The following TASP1 variants were observed in gnomAD, a reference collection of about 807,000 sequenced individuals.
The protein encoded by TASP1 is threonine aspartase 1.
In TASP1, 16 loss-of-function variants were observed where a neutral mutation model predicts 56.6. That is an observed-to-expected ratio of 0.28 (90% CI 0.19 to 0.43). The LOEUF is 0.43. Among genes scored for constraint, TASP1 ranks in the 20% least tolerant of loss-of-function variants. The pLI is 1.00. For synonymous variants in TASP1, 179 were observed against 184.2 expected, an observed-to-expected ratio of 0.97 and a Z score of 0.23; for missense variants, 393 against 511.6, an observed-to-expected ratio of 0.77 and a Z score of 2.24.
At chr20:13,578,127 A>G (rs1601318918) in intron 6 of TASP1, among the ~76,000 whole-genome samples, 1 of 151,372 alleles carries the variant, frequency 6.6e-6, no homozygotes, top group Non-Finnish European at 1.5e-5. Context: ...AGAAGAATCT[A>G]TTTTTCTGCA....
At chr20:13,322,922 T>C in the TASP1 span, among the ~76,000 whole-genome samples, 1 of 152,130 alleles carries the variant, frequency 6.6e-6, no homozygotes. Flanking sequence ...CTCTTAACAT[T>C]CCATTTAGAA....
At chr20:13,345,779 C>T in the TASP1 span, among the ~76,000 whole-genome samples, 1 of 152,066 alleles carries the variant, frequency 6.6e-6, no homozygotes, top group South Asian at 2.1e-4. Flanking sequence ...ACTGGGTTTT[C>T]CTAACTCAGC....
At chr20:13,266,127 C>T in the TASP1 span, among the ~76,000 whole-genome samples, 13 of 152,108 alleles carry the variant, frequency 8.5e-5, no homozygotes, top group African/African-American at 1.9e-4. Flanking sequence ...GTCATATGGT[C>T]GCACTCAGAT....
the TASP1 span, among the ~76,000 whole-genome samples, chr20:13,142,489 C>T: frequency 6.6e-6 from 1 of 152,194 alleles, no homozygotes; most frequent in Non-Finnish European, 1.5e-5. Context: ...CTTCCTACAG[C>T]TGGGGAGGAT....
At chr20:13,241,510 G>A in the TASP1 span, among the ~76,000 whole-genome samples, 7 of 152,234 alleles carry the variant, frequency 4.6e-5, no homozygotes, top group East Asian at 1.4e-3. Flanking sequence ...ACAGAAGCAG[G>A]AAAGCTTGTT....
chr20:13,136,254 A>C, the TASP1 span, among the ~76,000 whole-genome samples: 1 of 152,176 alleles, frequency 6.6e-6, no homozygotes. Flanking sequence ...AGATGGAATA[A>C]TGACTTGTGT....
the TASP1 span, among the ~76,000 whole-genome samples, chr20:13,321,114 G>A: frequency 3.9e-5 from 6 of 151,952 alleles, no homozygotes; most frequent in African/African-American, 7.2e-5. Flanking sequence ...CATGAGAATC[G>A]TTTGAACCCA....
At chr20:13,373,667 C>T in the TASP1 span, among the ~76,000 whole-genome samples, 1 of 151,998 alleles carries the variant, frequency 6.6e-6, no homozygotes, top group African/African-American at 2.4e-5. Context: ...TCTCTTGCTG[C>T]TTTCAAAATT....
At chr20:13,177,246 G>GA in the TASP1 span, among the ~76,000 whole-genome samples, 30 of 140,724 alleles carry the variant, frequency 2.1e-4, no homozygotes, top group Middle Eastern at 3.5e-3. Context: ...GTCTCAAAAA[G>GA]AAAAAAAAAA....
intron 8 of TASP1, among the ~76,000 whole-genome samples, chr20:13,542,167 G>T (rs2045648599): frequency 1.3e-5 from 2 of 152,016 alleles, no homozygotes; most frequent in Admixed American, 1.3e-4. Context: ...ATATGGAAAA[G>T]TTGAAAGTAA....
chr20:13,299,337 A>G, the TASP1 span: 1 of 1,613,928 alleles, frequency 6.2e-7, no homozygotes. This position sits in a 1 kb window ranked among gnomAD's most constrained non-coding sequence, Gnocchi z 5.8. Flanking sequence ...GCCCTGGATT[A>G]TCTGCAAGGG....
chr20:13,255,284 G>T, the TASP1 span, among the ~76,000 whole-genome samples: 1 of 152,144 alleles, frequency 6.6e-6, no homozygotes, highest in Non-Finnish European at 1.5e-5. Flanking sequence ...TGGATAAAAT[G>T]CTCTTTTTGT....
the TASP1 span, among the ~76,000 whole-genome samples, chr20:13,254,411 C>T: frequency 6.6e-6 from 1 of 152,160 alleles, no homozygotes; most frequent in Non-Finnish European, 1.5e-5. Context: ...CAAGCAGATT[C>T]AGAAAATGTT....
At chr20:13,326,580 ATGT>A in the TASP1 span, among the ~76,000 whole-genome samples, 1 of 152,024 alleles carries the variant, frequency 6.6e-6, no homozygotes, top group Non-Finnish European at 1.5e-5. Context: ...GTATCTCAAC[ATGT>A]TGTTAGTTTG....
chr20:13,617,168 T>TA, intron 4 of TASP1: 1 of 418,062 alleles, frequency 2.4e-6, no homozygotes, highest in Non-Finnish European at 4.8e-6. Context: ...AAAGACTCCA[T>TA]AAACAGCTGG....
chr20:13,347,947 A>G, the TASP1 span, among the ~76,000 whole-genome samples: 1 of 152,202 alleles, frequency 6.6e-6, no homozygotes, highest in African/African-American at 2.4e-5. Flanking sequence ...GAATTCAGTC[A>G]ACAATTCAGT....
chr20:13,562,803 G>A (rs2046385645), intron 7 of TASP1, among the ~76,000 whole-genome samples: 1 of 151,058 alleles, frequency 6.6e-6, no homozygotes, highest in Non-Finnish European at 1.5e-5. Context: ...TCTTAGTCTG[G>A]GCAGTCAAGG....
chr20:13,485,986 G>T (rs1015622202), intron 10 of TASP1, among the ~76,000 whole-genome samples: 1 of 152,126 alleles, frequency 6.6e-6, no homozygotes, highest in Non-Finnish European at 1.5e-5. Flanking sequence ...TGTTATACAG[G>T]AATATATATA....
chr20:13,544,263 T>C (rs2045725319), intron 8 of TASP1, among the ~76,000 whole-genome samples: 1 of 152,200 alleles, frequency 6.6e-6, no homozygotes, highest in Admixed American at 6.5e-5. Context: ...ATGAGGTCAT[T>C]TGGTACTGGA....
Sources: gnomAD v4.1 joint callset for allele counts (sites outside exome capture counted in the v4.1 genomes callset) on GRCh38, gnomAD v4.1.1 for gene constraint, Gnocchi (gnomAD v3.1) non-coding constraint, MANE v1.5 for transcripts, NCBI Gene and HGNC (gene_info 2026-07-23, HGNC 2026-07-21) for gene names.